The following SAMMSON variants were observed in gnomAD, a reference collection of about 807,000 sequenced individuals.
SAMMSON encodes long intergenic non-protein coding RNA 1212.
At chr3:70,432,861 CT>C (rs1701425294) in intron 2 of SAMMSON, among the ~76,000 whole-genome samples, 1 of 152,012 alleles carries the variant, frequency 6.6e-6, no homozygotes, top group Non-Finnish European at 1.5e-5. Flanking sequence ...TATCTTTTTA[CT>C]GTCTCTGTAG....
intron 7 of SAMMSON, among the ~76,000 whole-genome samples, chr3:70,324,838 T>C (rs963985244): frequency 6.6e-6 from 1 of 151,340 alleles, no homozygotes; most frequent in Non-Finnish European, 1.5e-5. Context: ...AAACAGGTGA[T>C]AGAGGAAATA....
intron 4 of SAMMSON, among the ~76,000 whole-genome samples, chr3:70,234,207 T>C (rs1372792564): frequency 6.6e-6 from 1 of 152,214 alleles, no homozygotes; most frequent in Non-Finnish European, 1.5e-5. Flanking sequence ...TTTTCAAGTA[T>C]TCTAGACACT....
At chr3:70,029,337 A>T (rs1249592034) in intron 3 of SAMMSON, among the ~76,000 whole-genome samples, 1 of 152,180 alleles carries the variant, frequency 6.6e-6, no homozygotes, top group Admixed American at 6.5e-5. Flanking sequence ...AATGGATGAG[A>T]CCAATGTGGA....
intron 7 of SAMMSON, among the ~76,000 whole-genome samples, chr3:70,344,240 C>A (rs952995808): frequency 6.6e-6 from 1 of 152,088 alleles, no homozygotes; most frequent in Non-Finnish European, 1.5e-5. Context: ...GTATAAACCC[C>A]AAGCCCCCAG....
At chr3:70,067,526 G>T (rs919858291) in intron 3 of SAMMSON, among the ~76,000 whole-genome samples, 1 of 151,946 alleles carries the variant, frequency 6.6e-6, no homozygotes, top group African/African-American at 2.4e-5. Flanking sequence ...AAGAAAGGAG[G>T]GTTGTCTGGA....
chr3:70,343,332 A>G (rs1702726294), intron 7 of SAMMSON, among the ~76,000 whole-genome samples: 1 of 152,090 alleles, frequency 6.6e-6, no homozygotes, highest in African/African-American at 2.4e-5. Flanking sequence ...CCAGGATGTC[A>G]TATAGGATAC....
At chr3:70,080,414 A>G (rs1398958866) in intron 4 of SAMMSON, among the ~76,000 whole-genome samples, 1 of 152,208 alleles carries the variant, frequency 6.6e-6, no homozygotes, top group Admixed American at 6.5e-5. Context: ...TTTAAGGACT[A>G]AATGAGTTAA....
intron 3 of SAMMSON, among the ~76,000 whole-genome samples, chr3:70,067,376 C>T (rs1178469973): frequency 6.6e-6 from 1 of 151,762 alleles, no homozygotes; most frequent in Non-Finnish European, 1.5e-5. Context: ...TATATTAACC[C>T]ATAATTAGAT....
intron 4 of SAMMSON, among the ~76,000 whole-genome samples, chr3:70,210,166 G>T (rs1701329489): frequency 6.6e-6 from 1 of 152,084 alleles, no homozygotes; most frequent in Admixed American, 6.6e-5. Context: ...AGTGGTATAT[G>T]ATTCTCTTTT....
chr3:70,123,964 G>C (rs1462321346), intron 4 of SAMMSON, among the ~76,000 whole-genome samples: 1 of 152,238 alleles, frequency 6.6e-6, no homozygotes, highest in Non-Finnish European at 1.5e-5. Flanking sequence ...CAGGGAGTGA[G>C]AGCCATTTTC....
chr3:70,315,884 C>A (rs987794525), intron 7 of SAMMSON, among the ~76,000 whole-genome samples: 2 of 152,088 alleles, frequency 1.3e-5, no homozygotes, highest in Non-Finnish European at 2.9e-5. Flanking sequence ...GTAAATACAT[C>A]TTTAAATGAT....
chr3:70,221,149 G>T (rs766769729), intron 4 of SAMMSON, among the ~76,000 whole-genome samples: 1 of 152,066 alleles, frequency 6.6e-6, no homozygotes, highest in African/African-American at 2.4e-5. Flanking sequence ...TAAAATTTTA[G>T]ATGTGGAATA....
chr3:70,216,414 C>G (rs537847379), intron 4 of SAMMSON, among the ~76,000 whole-genome samples: 51 of 151,744 alleles, frequency 3.4e-4, no homozygotes, highest in African/African-American at 1.2e-3. Context: ...TCCCAGCAAC[C>G]CTATGTGGTA....
At chr3:70,109,789 A>G (rs367597426) in intron 4 of SAMMSON, among the ~76,000 whole-genome samples, 1 of 152,284 alleles carries the variant, frequency 6.6e-6, no homozygotes, top group African/African-American at 2.4e-5. Context: ...CCTCCTTAAA[A>G]GATCCTCTAA....
chr3:70,289,724 C>G (rs1445121567), intron 6 of SAMMSON, among the ~76,000 whole-genome samples: 1 of 152,212 alleles, frequency 6.6e-6, no homozygotes, highest in Non-Finnish European at 1.5e-5. Context: ...GGTCTTTTCA[C>G]ATAGTCCCAT....
chr3:70,050,158 A>G (rs1248837398), intron 3 of SAMMSON, among the ~76,000 whole-genome samples: 1 of 152,154 alleles, frequency 6.6e-6, no homozygotes, highest in African/African-American at 2.4e-5. Flanking sequence ...CCACCGTGGC[A>G]TTGTGATCTA....
intron 2 of SAMMSON, among the ~76,000 whole-genome samples, chr3:70,429,706 G>A (rs535948438): frequency 7.2e-5 from 11 of 152,184 alleles, no homozygotes; most frequent in African/African-American, 2.6e-4. Context: ...TGGATTCCTA[G>A]GTATTTTATT....
chr3:70,173,129 G>A (rs2106700793), intron 4 of SAMMSON, among the ~76,000 whole-genome samples: 1 of 151,926 alleles, frequency 6.6e-6, no homozygotes, highest in Middle Eastern at 3.4e-3. Context: ...TTTCTTCTTG[G>A]ATAAATATAA....
chr3:70,030,039 C>T (rs758529128), intron 3 of SAMMSON, among the ~76,000 whole-genome samples: 4 of 152,032 alleles, frequency 2.6e-5, no homozygotes, highest in Admixed American at 1.3e-4. Flanking sequence ...TTGATTCATA[C>T]TCTGTGGAAT....
Sources: allele counts gnomAD v4.1 joint callset (sites outside exome capture counted in the v4.1 genomes callset), GRCh38; gene constraint gnomAD v4.1.1; transcripts MANE v1.5; gene names NCBI Gene and HGNC (gene_info 2026-07-23, HGNC 2026-07-21).